Variants in DCLK1 observed in about 807,000 individuals in gnomAD.
The protein encoded by DCLK1 is doublecortin like kinase 1.
A neutral mutation model predicts 86.2 loss-of-function variants in DCLK1; 16 were observed. The ratio of observed to expected loss-of-function variants is 0.19; its 90% CI spans 0.13 to 0.28. The LOEUF (loss-of-function observed/expected upper bound fraction) is 0.28. Among genes scored for constraint, DCLK1 ranks in the 10% least tolerant of loss-of-function variants. The probability of loss-of-function intolerance (pLI) is 1.00; values close to 1 mark genes in which losing one functional copy is unlikely to be tolerated. For synonymous variants in DCLK1, 369 were observed against 370.5 expected (o/e 1.00, Z 0.05); for missense variants, 590 against 940.2 (o/e 0.63, Z 4.87).
At chr13:35,861,751 G>A (rs1196715191) in intron 5 of DCLK1, among the ~76,000 whole-genome samples, 2 of 151,938 alleles carry the variant, frequency 1.3e-5, no homozygotes, top group Non-Finnish European at 2.9e-5. Flanking sequence ...TTCTGGCCAG[G>A]CACAGTGGCT....
chr13:35,791,135 T>C (rs914921683), intron 16 of DCLK1, among the ~76,000 whole-genome samples: 3 of 152,198 alleles, frequency 2.0e-5, no homozygotes, highest in Non-Finnish European at 4.4e-5. Context: ...GAAATCTACA[T>C]TGATATTCTC....
intron 4 of DCLK1, among the ~76,000 whole-genome samples, chr13:35,909,597 ATGTGTGTGTGTGTGTGTGTGTGTGTG>A (rs57044533): frequency 0.18 from 25,986 of 146,204 alleles, 2,710 homozygotes; most frequent in East Asian, 0.34. Context: ...CTGTGTGCAT[ATGTGTGTGTGTGTGTGTGTGTGTGTG>A]TGTGTGTGTG....
intron 5 of DCLK1, among the ~76,000 whole-genome samples, chr13:35,867,957 G>GAAAGAAAGAAAGAAAGAA (rs1871966236): frequency 6.9e-6 from 1 of 144,522 alleles, no homozygotes; most frequent in Non-Finnish European, 1.5e-5. Context: ...AAGAAAGAAA[G>GAAAGAAAGAAAGAAAGAA]AAAGAAAGAG....
intron 3 of DCLK1, among the ~76,000 whole-genome samples, chr13:36,050,677 C>G (rs1024443361): frequency 2.5e-4 from 38 of 152,114 alleles, no homozygotes; most frequent in Non-Finnish European, 2.9e-5. Context: ...TAATCTCGTC[C>G]TTCATTATGC....
At position 36,118,343 on chromosome 13, in the gene DCLK1, G is replaced by A. The variant is rs73529423; in HGVS notation, c.377-6128C>T. Among the ~76,000 whole-genome samples, 1,337 of 152,216 alleles carry A rather than the reference G, an allele frequency of 8.8e-3. 20 individuals are homozygous for A. The highest frequency in any genetic ancestry group is 0.03 in the African/African-American group (1,263 of 41,516). On this transcript the variant is annotated intron_variant, in intron 2 of 16. Coordinates refer to ENST00000360631, the MANE Select transcript of DCLK1 (RefSeq NM_001330071.2). ...CTAGGGACAGAGGAGTGGATGTTAC[G>A]AGGAGTACTTAGCAGATACAACCAG...
chr13:35,837,890 A>G (rs904484376), intron 7 of DCLK1, among the ~76,000 whole-genome samples: 2 of 151,860 alleles, frequency 1.3e-5, no homozygotes, highest in African/African-American at 4.8e-5. Flanking sequence ...AGATGGAAAA[A>G]TCCCATTTCT....
intron 3 of DCLK1, among the ~76,000 whole-genome samples, chr13:36,034,892 A>G (rs1882426681): frequency 6.6e-6 from 1 of 152,200 alleles, no homozygotes; most frequent in South Asian, 2.1e-4. Flanking sequence ...GAGAAAGTTC[A>G]GGAAGGGAGC....
At chr13:35,834,451 G>A (rs903298460) in intron 8 of DCLK1, among the ~76,000 whole-genome samples, 4 of 152,184 alleles carry the variant, frequency 2.6e-5, no homozygotes, top group African/African-American at 9.7e-5. Context: ...GTCTTGCTAA[G>A]TACTTCTTAC....
In DCLK1 at chr13:35,909,615, GT is replaced by G. The variant is rs1566597721; in HGVS notation, c.823+37742del. The stretch of plus-strand genomic sequence containing the variant: ...TGTGCATATGTGTGTGTGTGTGTGT[GT>G]GTGTGTGTGTGTGTGTGTGTGTGTA... On this transcript the variant is annotated intron_variant, in intron 4 of 16. Transcript: ENST00000360631. 1.4e-3 allele frequency among the ~76,000 whole-genome samples: 143 copies of G among 102,234 alleles called. 1 individual carries two copies. Among genetic ancestry groups the G allele is most frequent in the African/African-American group, 4.2e-3 (132 of 31,260 alleles). 67.1% of individuals were successfully genotyped at this position (102,234 alleles called of 152,430 possible).
At chr13:36,115,307 GAAAT>G (rs1430748952) in intron 2 of DCLK1, among the ~76,000 whole-genome samples, 5 of 149,320 alleles carry the variant, frequency 3.3e-5, no homozygotes, top group Admixed American at 2.7e-4. Context: ...CTGCAACAAT[GAAAT>G]AAAAGTGAAT....
chr13:35,811,251 T>C (rs1187337447), intron 11 of DCLK1, among the ~76,000 whole-genome samples: 9 of 152,116 alleles, frequency 5.9e-5, no homozygotes, highest in Admixed American at 5.9e-4. Flanking sequence ...TACAGGTTTA[T>C]AGTTATTGAA....
chr13:35,808,215 G>C lies in DCLK1; in HGVS notation c.1863+9C>G, dbSNP rs746558531. 2 of 1,612,798 alleles carry C rather than the reference G, an allele frequency of 1.2e-6. No individual in the cohort carries two copies. The highest frequency in any genetic ancestry group is 1.7e-5 in the Admixed American group (1 of 59,982). On this transcript the variant is annotated intron_variant, in intron 14 of 16. Transcript: ENST00000360631. ...GAATATAGGGAAGAGGAAGGCACTG[G>C]ACACCTACCTTTGCAGAATCGGAAA...
At chr13:35,821,396 T>C (rs1284792190) in intron 11 of DCLK1, among the ~76,000 whole-genome samples, 1 of 152,110 alleles carries the variant, frequency 6.6e-6, no homozygotes, top group Non-Finnish European at 1.5e-5. Flanking sequence ...CTTGTGGATT[T>C]CTGCAAGCTG....
chr13:35,868,167 C>T (rs895103085), intron 5 of DCLK1, among the ~76,000 whole-genome samples: 33 of 151,788 alleles, frequency 2.2e-4, no homozygotes, highest in African/African-American at 7.0e-4. Flanking sequence ...GGACTACAGG[C>T]GCCTGCCACC....
intron 3 of DCLK1, among the ~76,000 whole-genome samples, chr13:36,038,268 C>A (rs150953771): frequency 2.6e-4 from 40 of 152,324 alleles, no homozygotes; most frequent in Admixed American, 1.2e-3. Context: ...ACTGTCCCCA[C>A]CATGGGTCCA....
chr13:35,920,535 G>T (rs1875735888), intron 4 of DCLK1, among the ~76,000 whole-genome samples: 1 of 152,166 alleles, frequency 6.6e-6, no homozygotes, highest in Non-Finnish European at 1.5e-5. Flanking sequence ...GGGAATATGA[G>T]CCAAGTGAAG....
At position 35,851,942 on chromosome 13, in the gene DCLK1, A is replaced by T. The variant is rs572596738; in HGVS notation, c.1035+2557T>A. On this transcript the variant is annotated intron_variant, in intron 6 of 16. Transcript: ENST00000360631. ...AACCTTCCTTTTGAGAAAACAGCTC[A>T]TGTTCCTGTATTTTAAAATGGGGGC... is the stretch of plus-strand genomic sequence containing the variant. 5.0e-4 allele frequency among the ~76,000 whole-genome samples: 76 copies of T among 151,692 alleles called. 1 individual carries two copies. Among genetic ancestry groups the T allele is most frequent in the Middle Eastern group, 3.4e-3 (1 of 294 alleles).
chr13:36,007,565 C>T (rs1881034501), intron 3 of DCLK1, among the ~76,000 whole-genome samples: 1 of 152,076 alleles, frequency 6.6e-6, no homozygotes, highest in South Asian at 2.1e-4. Flanking sequence ...AGAAGAGCAA[C>T]AAACAGGAAG....
At chr13:35,939,765 C>T (rs1876978531) in intron 4 of DCLK1, among the ~76,000 whole-genome samples, 1 of 152,160 alleles carries the variant, frequency 6.6e-6, no homozygotes, top group South Asian at 2.1e-4. Flanking sequence ...ATAAAATATG[C>T]CAGCACCAAC....
Sources: gnomAD v4.1 joint callset for allele counts (sites outside exome capture counted in the v4.1 genomes callset) on GRCh38, gnomAD v4.1.1 for gene constraint, MANE v1.5 for transcripts, NCBI Gene and HGNC (gene_info 2026-07-23, HGNC 2026-07-21) for gene names.